Variants in PCDHGB5 observed in about 807,000 individuals in gnomAD.
PCDHGB5 encodes the protein protocadherin gamma-B5.
In PCDHGB5, 48 loss-of-function variants were observed where a neutral mutation model predicts 62.9. The observed-to-expected ratio is 0.76, with a 90% CI of 0.61 to 0.97. The LOEUF is 0.97. PCDHGB5 is among the 50% of genes least tolerant of loss of function. PCDHGB5 has a pLI of 0.00. For synonymous variants in PCDHGB5, 474 were observed against 511.2 expected (o/e 0.93, Z 0.98); for missense variants, 1,118 against 1,198.6 (o/e 0.93, Z 0.99).
At chr5:141,424,610 ATAGAG>A (rs1374272828) in intron 1 of PCDHGB5, 2 of 152,216 alleles carry the variant, frequency 1.3e-5, no homozygotes, top group African/African-American at 4.8e-5. Flanking sequence ...ATTTATTCAA[ATAGAG>A]TAGTTTGTGA....
intron 1 of PCDHGB5, chr5:141,404,393 A>G: frequency 6.2e-7 from 1 of 1,613,962 alleles, no homozygotes; most frequent in Non-Finnish European, 8.5e-7. Flanking sequence ...TGACCCTGAT[A>G]GCAATGAGAA....
intron 1 of PCDHGB5, chr5:141,423,869 T>A (rs1239422805): frequency 5.4e-6 from 7 of 1,285,484 alleles, no homozygotes; most frequent in Non-Finnish European, 6.9e-6. Flanking sequence ...TGAAAGTCAT[T>A]TTTCAATCTT....
chr5:141,485,577 G>A lies in PCDHGB5; in HGVS notation c.2398-9230G>A. Reference sequence around the variant, plus strand: ...AATGATCACGCCCCCCGTTTTCCGCGGCAGCAGCTGGACTTGGAAATTGGG... The same window carrying A: ...AATGATCACGCCCCCCGTTTTCCGCAGCAGCAGCTGGACTTGGAAATTGGG... On this transcript the variant is annotated intron_variant, in intron 1 of 3. Transcript: ENST00000617380. This position sits in a 1 kb window ranked among gnomAD's most constrained non-coding sequence, Gnocchi z 5.7. 2 of 1,612,500 alleles carry A rather than the reference G, an allele frequency of 1.2e-6. No individual in the cohort carries two copies. Among genetic ancestry groups the A allele is most frequent in the Non-Finnish European group, 8.5e-7 (1 of 1,178,676 alleles).
At chr5:141,408,856 G>A (rs750037212) in intron 1 of PCDHGB5, 1 of 1,613,518 alleles carries the variant, frequency 6.2e-7, no homozygotes, top group Non-Finnish European at 8.5e-7. Flanking sequence ...TGGACGGAGG[G>A]GACCCACCAA....
chr5:141,475,885 A>T, intron 1 of PCDHGB5: 1 of 556,524 alleles, frequency 1.8e-6, no homozygotes, highest in Non-Finnish European at 3.2e-6. Flanking sequence ...ATTGGCTGGG[A>T]CTCTGTGTGC....
intron 1 of PCDHGB5, chr5:141,478,743 A>G: frequency 6.5e-7 from 1 of 1,528,732 alleles, no homozygotes; most frequent in Non-Finnish European, 8.8e-7. Context: ...TTGTGGTCCC[A>G]TTTCAGGGGG....
rs142703691 is a variant in PCDHGB5 at position 141,489,691 on chromosome 5, C to T, written c.2398-5116C>T. On this transcript the variant is annotated intron_variant, in intron 1 of 3. Transcript: ENST00000617380. The surrounding 1 kb of genome is among the most constrained non-coding windows in gnomAD (Gnocchi z 4.5). ...CTCAGAATCAGCAGCATCTGGGGCACGATTCCCACTGGACAGTGCCCAGGA... is the reference window on the plus strand; with the variant it reads ...CTCAGAATCAGCAGCATCTGGGGCATGATTCCCACTGGACAGTGCCCAGGA... 8.1e-6 allele frequency: 13 copies of T among 1,614,164 alleles called. No individual in the cohort carries two copies. The highest frequency in any genetic ancestry group is 3.3e-5 in the South Asian group (3 of 91,080).
At position 141,477,068 on chromosome 5, in the gene PCDHGB5, C is replaced by A; in HGVS notation, c.2398-17739C>A. 6.2e-7 allele frequency: 1 copy of A among 1,614,268 alleles called. No homozygotes were observed. The highest frequency in any genetic ancestry group is 8.5e-7 in the Non-Finnish European group (1 of 1,180,046). On this transcript the variant is annotated intron_variant, in intron 1 of 3. Transcript: ENST00000617380. This position sits in a 1 kb window ranked among gnomAD's most constrained non-coding sequence, Gnocchi z 4.9. ...GCTGGACTTCGAGGACACCAAACTCCATGAGATTTACATCCAGGCCAAAGA... is the reference window on the plus strand; with the variant it reads ...GCTGGACTTCGAGGACACCAAACTCAATGAGATTTACATCCAGGCCAAAGA...
At chr5:141,403,552 G>T (rs1228068556) in intron 1 of PCDHGB5, 5 of 1,613,892 alleles carry the variant, frequency 3.1e-6, no homozygotes, top group Non-Finnish European at 4.2e-6. Context: ...AGCGCGCCCT[G>T]GACAGGGAGG....
chr5:141,465,240 G>C (rs569146939), intron 1 of PCDHGB5, among the ~76,000 whole-genome samples: 22 of 152,168 alleles, frequency 1.4e-4, no homozygotes, highest in African/African-American at 5.3e-4. Flanking sequence ...TCAAGTTCAA[G>C]GCACTTTTGT....
intron 1 of PCDHGB5, chr5:141,423,914 A>G (rs2096790099): frequency 3.0e-5 from 38 of 1,268,116 alleles, no homozygotes; most frequent in Non-Finnish European, 3.0e-6. Flanking sequence ...GGGGCCATTC[A>G]ACTATGCTGG....
At chr5:141,404,819 A>G in intron 1 of PCDHGB5, 1 of 1,608,430 alleles carries the variant, frequency 6.2e-7, no homozygotes, top group South Asian at 1.1e-5. Flanking sequence ...GGGGCTGCAC[A>G]CAGGTGAAGT....
In PCDHGB5 at chr5:141,490,023, G is replaced by A. The variant is rs1306715385; in HGVS notation, c.2398-4784G>A. The A allele has an allele frequency of 1.2e-6, 2 of 1,614,134 alleles. No homozygotes were observed. Among genetic ancestry groups the A allele is most frequent in the Non-Finnish European group, 1.7e-6 (2 of 1,180,060 alleles). On this transcript the variant is annotated intron_variant, in intron 1 of 3. Transcript: ENST00000617380. This position sits in a 1 kb window ranked among gnomAD's most constrained non-coding sequence, Gnocchi z 5.4. ...AGAATGCACCCATTGGTACTCTGCT[G>A]CTCCGCCTCAATGCCACTGATCCAG... is the stretch of plus-strand genomic sequence containing the variant.
rs1262009079 is a variant in PCDHGB5, at chr5:141,398,456, C to A, written c.329C>A (p.Ala110Asp). The change falls in exon 1 of 4, where the codon GCT becomes GAT. Residue 110 changes from alanine (A) to aspartate (D), a missense_variant. Around this residue, in one of 2 missense-constraint regions of PCDHGB5, gnomAD observed 84 missense variants for 169.5 expected, o/e 0.50. Transcript: ENST00000617380. ...PACALEFEAV[A>D]ENPLNFYHVN... ...TGTGCTCTGGAATTTGAGGCTGTTG[C>A]TGAAAATCCACTGAACTTTTATCAC... The A allele has an allele frequency of 6.3e-7, 1 of 1,590,134 alleles. No homozygotes were observed. The highest frequency in any genetic ancestry group is 8.6e-7 in the Non-Finnish European group (1 of 1,160,118).
Position 141,486,791 on chromosome 5 carries a change from C to G in PCDHGB5, c.2398-8016C>G. On this transcript the variant is annotated intron_variant, in intron 1 of 3. Coordinates refer to ENST00000617380, the MANE Select transcript of PCDHGB5 (RefSeq NM_018925.3). The surrounding 1 kb of genome is among the most constrained non-coding windows in gnomAD (Gnocchi z 5.0). ...GCAGTTTGAGGTGCAGGCCCGGGAT[C>G]GGGGCAACCCACCCCTTAGCAGCAC... The G allele has an allele frequency of 1.9e-6, 3 of 1,614,224 alleles. No individual in the cohort carries two copies. The highest frequency in any genetic ancestry group is 2.5e-6 in the Non-Finnish European group (3 of 1,180,046).
chr5:141,419,591 G>A lies in PCDHGB5; in HGVS notation c.2397+19067G>A, dbSNP rs574335266. The A allele has an allele frequency of 2.2e-5, 35 of 1,611,826 alleles. No individual in the cohort carries two copies. The African/African-American group carries it at 4.0e-4, about 18-fold the overall frequency. On this transcript the variant is annotated intron_variant, in intron 1 of 3. Coordinates refer to ENST00000617380, the MANE Select transcript of PCDHGB5 (RefSeq NM_018925.3). ...CGACGGCTCCGCGCTCTTCGACACA[G>A]TGCCGCGGGCCGCGCAGCCAGGCTA...
chr5:141,483,606 C>T (rs1460635551), intron 1 of PCDHGB5, among the ~76,000 whole-genome samples: 1 of 151,984 alleles, frequency 6.6e-6, no homozygotes, highest in Non-Finnish European at 1.5e-5. Flanking sequence ...CTGGTTTACA[C>T]CTCCATCATT....
rs1207022796 is a variant in PCDHGB5 at position 141,400,232 on chromosome 5, C to CT, written c.2105_2106insT (p.Val703ArgfsTer59). Reference sequence around the variant, plus strand: ...TTGATCTCAGTGCTCTTCCTCCTGGCCGTGATTCTGGCCGTTGCCTTGCGC... The same window carrying CT: ...TTGATCTCAGTGCTCTTCCTCCTGGCTCGTGATTCTGGCCGTTGCCTTGCGC... On this transcript the variant is annotated frameshift_variant, in exon 1 of 4. Coordinates refer to ENST00000617380, the MANE Select transcript of PCDHGB5 (RefSeq NM_018925.3). LOFTEE classifies it high-confidence loss of function. 3.7e-6 allele frequency: 6 copies of CT among 1,613,914 alleles called. No individual in the cohort carries two copies. The highest frequency in any genetic ancestry group is 1.3e-5 in the African/African-American group (1 of 74,930).
intron 1 of PCDHGB5, chr5:141,428,120 C>T (rs756805763): frequency 3.7e-6 from 6 of 1,606,528 alleles, no homozygotes; most frequent in East Asian, 4.5e-5. Flanking sequence ...CCATCGAGCC[C>T]GGGCTTTTCA....
Sources: gnomAD v4.1 joint callset for allele counts (sites outside exome capture counted in the v4.1 genomes callset) on GRCh38, gnomAD v4.1.1 for gene constraint, gnomAD v4.1.1 regional missense constraint, Gnocchi (gnomAD v3.1) non-coding constraint, MANE v1.5 for transcripts, NCBI Gene and HGNC (gene_info 2026-07-23, HGNC 2026-07-21) for gene names.